EFL1: variants seen among roughly 807,000 people sequenced by gnomAD.
The protein encoded by EFL1 is elongation factor-like GTPase 1.
EFL1 carries 76 observed loss-of-function variants against 126.7 expected under a neutral mutation model. The ratio of observed to expected loss-of-function variants is 0.60; its 90% CI spans 0.50 to 0.73. EFL1 has a LOEUF of 0.73. EFL1 is among the 30% of genes least tolerant of loss of function. The pLI, the probability that EFL1 is intolerant of heterozygous loss-of-function variation, is 0.00. For synonymous variants in EFL1, 410 were observed against 448.4 expected (o/e 0.91, Z 1.08); for missense variants, 1,128 against 1,343.2 (o/e 0.84, Z 2.50).
chr15:82,147,418 C>T (rs2073859176), intron 18 of EFL1, among the ~76,000 whole-genome samples: 1 of 151,630 alleles, frequency 6.6e-6, no homozygotes, highest in African/African-American at 2.4e-5. Context: ...TCACTTGAGG[C>T]CAGGAGTTTG....
At chr15:82,235,507 T>C (rs191639761) in intron 7 of EFL1, among the ~76,000 whole-genome samples, 3 of 152,182 alleles carry the variant, frequency 2.0e-5, no homozygotes, top group Admixed American at 6.5e-5. Context: ...CAATTGTATA[T>C]AAAATCTATA....
chr15:82,241,854 G>C (rs375504751), intron 4 of EFL1, among the ~76,000 whole-genome samples: 2 of 152,234 alleles, frequency 1.3e-5, no homozygotes, highest in African/African-American at 4.8e-5. Flanking sequence ...CCTACAGTTT[G>C]TCAAAGAGCA....
chr15:82,143,280 T>C (rs2073808644), intron 18 of EFL1, among the ~76,000 whole-genome samples: 1 of 152,102 alleles, frequency 6.6e-6, no homozygotes, highest in Non-Finnish European at 1.5e-5. Flanking sequence ...ATAAAATAAA[T>C]AATAAACCTA....
At chr15:82,214,475 TAGG>T (rs1162102266) in intron 15 of EFL1, among the ~76,000 whole-genome samples, 27 of 152,298 alleles carry the variant, frequency 1.8e-4, no homozygotes, top group African/African-American at 6.5e-4. Flanking sequence ...AACTCCAGCT[TAGG>T]CTAGAGCATT....
At chr15:82,227,164 C>A (rs763332213) in intron 11 of EFL1, among the ~76,000 whole-genome samples, 13 of 152,198 alleles carry the variant, frequency 8.5e-5, no homozygotes, top group Non-Finnish European at 1.5e-5. Context: ...TTTCATGGAA[C>A]CTACAAAGCC....
chr15:82,207,258 G>A (rs1338715466), intron 15 of EFL1, among the ~76,000 whole-genome samples: 1 of 143,574 alleles, frequency 7.0e-6, no homozygotes, highest in African/African-American at 2.6e-5. Context: ...CTAATCTCAA[G>A]GTAACATATA....
At chr15:82,199,727 AC>A (rs1244003689) in intron 15 of EFL1, among the ~76,000 whole-genome samples, 5 of 152,202 alleles carry the variant, frequency 3.3e-5, no homozygotes, top group Non-Finnish European at 7.3e-5. Context: ...TACACCGATA[AC>A]ACCTGTAGGA....
At chr15:82,249,149 A>T (rs1297342601) in intron 4 of EFL1, among the ~76,000 whole-genome samples, 1 of 152,068 alleles carries the variant, frequency 6.6e-6, no homozygotes, top group Non-Finnish European at 1.5e-5. Context: ...TTTCTATAGT[A>T]AATATAAACT....
rs374087805 is a variant in EFL1 at position 82,230,902 on chromosome 15, C to T, written c.801G>A (p.Leu267=). The change falls in exon 8 of 20, where the codon TTG becomes TTA. Residue 267 remains leucine, a synonymous_variant. Coordinates refer to ENST00000268206, the MANE Select transcript of EFL1 (RefSeq NM_024580.6). ...TCATATTTATATAGTAATCTCCCCA[C>T]AAGGTTTTCATAAGAACTTCCTTTT... ...GIKKEVLMKT[L]WGDYYINMKA... is the part of the protein sequence containing the mutation. The T allele has an allele frequency of 6.6e-5, 106 of 1,613,534 alleles. No homozygotes were observed. In the African/African-American group the frequency reaches 9.6e-4, roughly 15 times the overall value.
In EFL1 at chr15:82,151,451, C is replaced by T; in HGVS notation, c.2989+14G>A. 6.3e-7 allele frequency: 1 copy of T among 1,587,938 alleles called. No homozygotes were observed. Among genetic ancestry groups the T allele is most frequent in the Non-Finnish European group, 8.6e-7 (1 of 1,169,076 alleles). On this transcript the variant is annotated intron_variant, in intron 18 of 19. Transcript: ENST00000268206. The stretch of plus-strand genomic sequence containing the variant: ...TCAGGGCATTTCTCACTATCTTTAC[C>T]TTTTCTTCCTTACCGAGAACATCAC...
intron 19 of EFL1, among the ~76,000 whole-genome samples, chr15:82,134,799 A>T (rs2073702982): frequency 6.6e-6 from 1 of 152,118 alleles, no homozygotes; most frequent in Admixed American, 6.5e-5. Context: ...TTCCTTTTTC[A>T]TAGAAGGGTA....
chr15:82,235,268 A>G (rs539863779), intron 7 of EFL1, among the ~76,000 whole-genome samples: 45 of 152,224 alleles, frequency 3.0e-4, no homozygotes, highest in Non-Finnish European at 4.4e-4. Context: ...TAATTTAAAT[A>G]AAGTGAGTAA....
intron 15 of EFL1, among the ~76,000 whole-genome samples, chr15:82,181,687 T>C (rs1301380833): frequency 6.6e-6 from 1 of 151,960 alleles, no homozygotes; most frequent in Non-Finnish European, 1.5e-5. Context: ...GAACATCTCC[T>C]GCATAACAAG....
intron 11 of EFL1, among the ~76,000 whole-genome samples, chr15:82,226,497 A>G (rs2074765422): frequency 6.6e-6 from 1 of 152,194 alleles, no homozygotes; most frequent in Non-Finnish European, 1.5e-5. Flanking sequence ...GATGACTCCA[A>G]GGTTTTTGGA....
chr15:82,262,224 A>C (rs1294095084), intron 1 of EFL1: 2 of 155,990 alleles, frequency 1.3e-5, no homozygotes, highest in African/African-American at 4.8e-5. Flanking sequence ...CCTCATTCTG[A>C]CATTCTCGCT....
intron 15 of EFL1, among the ~76,000 whole-genome samples, chr15:82,195,108 T>G (rs1341749221): frequency 6.6e-6 from 1 of 152,210 alleles, no homozygotes; most frequent in Non-Finnish European, 1.5e-5. Flanking sequence ...AATTTTATAT[T>G]TTAGCATAGG....
intron 18 of EFL1, among the ~76,000 whole-genome samples, chr15:82,150,224 T>C (rs925010487): frequency 6.6e-6 from 1 of 152,204 alleles, no homozygotes; most frequent in Admixed American, 6.5e-5. Flanking sequence ...CTTAATGTGA[T>C]GGAAGCCTAA....
intron 15 of EFL1, among the ~76,000 whole-genome samples, chr15:82,207,305 TATAC>T (rs1567063056): frequency 1.6e-5 from 2 of 122,712 alleles, no homozygotes; most frequent in African/African-American, 3.2e-5. Context: ...TATATATATA[TATAC>T]ACACACACAT....
At chr15:82,215,997 C>T (rs780058818) in intron 14 of EFL1, among the ~76,000 whole-genome samples, 4 of 151,904 alleles carry the variant, frequency 2.6e-5, no homozygotes, top group Admixed American at 6.6e-5. Flanking sequence ...AAACAAGCTA[C>T]GGATAAATTA....
Sources: gnomAD v4.1 joint callset for allele counts (sites outside exome capture counted in the v4.1 genomes callset) on GRCh38, gnomAD v4.1.1 for gene constraint, MANE v1.5 for transcripts, NCBI Gene and HGNC (gene_info 2026-07-23, HGNC 2026-07-21) for gene names.